The following NDOR1 variants were observed in gnomAD, a reference collection of about 807,000 sequenced individuals.
The protein encoded by NDOR1 is NADPH-dependent diflavin oxidoreductase 1.
NDOR1 carries 61 observed loss-of-function variants against 67.2 expected under a neutral mutation model. That is an observed-to-expected ratio of 0.91 (90% CI 0.74 to 1.12). The LOEUF is 1.12. NDOR1 is among the 50% of genes most tolerant of loss of function. NDOR1 has a pLI of 0.00. For synonymous variants in NDOR1, 378 were observed against 343.7 expected (o/e 1.10, Z -1.10); for missense variants, 878 against 802.8 (o/e 1.09, Z -1.13).
At position 137,212,655 on chromosome 9, in the gene NDOR1, G is replaced by A. The variant is rs1247060554; in HGVS notation, c.311+56G>A. The A allele has an allele frequency of 2.6e-6, 4 of 1,514,010 alleles. No individual in the cohort carries two copies. Among genetic ancestry groups the A allele is most frequent in the Non-Finnish European group, 3.7e-6 (4 of 1,090,030 alleles). The allele number at this position is 1,514,010 out of a possible 1,614,324, so 93.8% of individuals were successfully genotyped here. On this transcript the variant is annotated intron_variant, in intron 3 of 13. Transcript: ENST00000684003. The surrounding 1 kb of genome is among the most constrained non-coding windows in gnomAD (Gnocchi z 4.3). ...GAACAGTTCTGGGGGTCGAGCAACA[G>A]GTGTGCTGGCAGAGGACCGAGACCA...
Position 137,218,815 on chromosome 9 carries a change from G to A in NDOR1, c.*2399G>A, listed in dbSNP as rs1429338138. 2.5e-6 allele frequency: 1 copy of A among 395,326 alleles called. No homozygotes were observed. Among genetic ancestry groups the A allele is most frequent in the Non-Finnish European group, 4.5e-6 (1 of 224,480 alleles). The allele number at this position is 395,326 out of a possible 1,614,324, so 24.5% of individuals were successfully genotyped here. Reference sequence around the variant, plus strand: ...TGCCAGAGTCCATGGCTGCACTGCTGCCCAGACACTAGCTGAACCCAAGGA... The same window carrying A: ...TGCCAGAGTCCATGGCTGCACTGCTACCCAGACACTAGCTGAACCCAAGGA... On this transcript the variant is annotated 3_prime_UTR_variant, in exon 14 of 14. Coordinates refer to ENST00000684003, the MANE Select transcript of NDOR1 (RefSeq NM_014434.4).
chr9:137,208,179 G>T (rs1305380472), intron 2 of NDOR1, among the ~76,000 whole-genome samples: 1 of 148,714 alleles, frequency 6.7e-6, no homozygotes, highest in African/African-American at 2.5e-5. Context: ...GCCGGGCACT[G>T]TGGCTCACAC....
Position 137,218,184 on chromosome 9 carries a change from C to G in NDOR1, c.*1768C>G. 7.5e-6 allele frequency: 3 copies of G among 398,460 alleles called. No individual in the cohort carries two copies. Among genetic ancestry groups the G allele is most frequent in the Non-Finnish European group, 8.8e-6 (2 of 226,008 alleles). 24.7% of individuals were successfully genotyped at this position (398,460 alleles called of 1,614,324 possible). On this transcript the variant is annotated 3_prime_UTR_variant, in exon 14 of 14. Transcript: ENST00000684003. Reference sequence around the variant, plus strand: ...CTGCACAGGCTGCTGGGCTCGGCCTCCAGTGCCGACCTGGGCCGGGTGCGC... The same window carrying G: ...CTGCACAGGCTGCTGGGCTCGGCCTGCAGTGCCGACCTGGGCCGGGTGCGC...
At chr9:137,210,766 G>A (rs1015596839) in intron 2 of NDOR1, among the ~76,000 whole-genome samples, 6 of 152,130 alleles carry the variant, frequency 3.9e-5, no homozygotes, top group Admixed American at 1.3e-4. Context: ...AGGATCGCTT[G>A]AGCCCAGAAG....
rs547961096 is a variant in NDOR1, at chr9:137,215,842, G to C, written c.1435+37G>C. The C allele has an allele frequency of 2.7e-5, 44 of 1,608,096 alleles. No individual in the cohort carries two copies. The East Asian group carries it at 4.5e-4, about 16-fold the overall frequency. Reference sequence around the variant, plus strand: ...GGGTCTCCGGGCAGGGTTGTTGCCAGGGCTCCCCAGCTGAACCTCAAGGAC... The same window carrying C: ...GGGTCTCCGGGCAGGGTTGTTGCCACGGCTCCCCAGCTGAACCTCAAGGAC... On this transcript the variant is annotated intron_variant, in intron 11 of 13. Transcript: ENST00000684003.
Position 137,205,920 on chromosome 9 carries a change from C to A in NDOR1, c.135+8C>A. Reference sequence around the variant, plus strand: ...CTGGACTCCTACCCGGTGGTGAGGGCTCGCTAGGGCCTCGGCGTGGGGGAC... The same window carrying A: ...CTGGACTCCTACCCGGTGGTGAGGGATCGCTAGGGCCTCGGCGTGGGGGAC... On this transcript the variant is annotated splice_region_variant and intron_variant, in intron 1 of 13. Transcript: ENST00000684003. 6.3e-7 allele frequency: 1 copy of A among 1,579,592 alleles called. No homozygotes were observed. The highest frequency in any genetic ancestry group is 1.1e-5 in the South Asian group (1 of 89,672).
intron 8 of NDOR1, 21 bp from the exon 9 acceptor site, chr9:137,215,074 C>T: frequency 6.2e-7 from 1 of 1,613,576 alleles, no homozygotes; most frequent in Non-Finnish European, 8.5e-7. Context: ...CTGCAGCCAC[C>T]CTGAGACTCT....
In NDOR1 at chr9:137,216,197, G is replaced by C; in HGVS notation, c.1649+9G>C. ...TACTTCTACCTGGCAGGGTGAGCTG[G>C]CCTGCGTGCAGCAGGAGTGGGCCCA... On this transcript the variant is annotated intron_variant, in intron 13 of 13. Transcript: ENST00000684003. The C allele has an allele frequency of 6.2e-7, 1 of 1,613,318 alleles. No homozygotes were observed. Among genetic ancestry groups the C allele is most frequent in the Non-Finnish European group, 8.5e-7 (1 of 1,180,002 alleles).
At chr9:137,213,293 G>T (rs577932385) in intron 3 of NDOR1, among the ~76,000 whole-genome samples, 7 of 152,274 alleles carry the variant, frequency 4.6e-5, no homozygotes, top group East Asian at 1.9e-4. Flanking sequence ...GAGGGAGGCC[G>T]CTGCCGACAG....
intron 2 of NDOR1, among the ~76,000 whole-genome samples, chr9:137,208,726 A>G (rs1835102552): frequency 6.6e-6 from 1 of 151,532 alleles, no homozygotes; most frequent in Non-Finnish European, 1.5e-5. Context: ...CCAGAGGCTG[A>G]GGCGGGAGGA....
chr9:137,208,317 G>A (rs1835077151), intron 2 of NDOR1, among the ~76,000 whole-genome samples: 1 of 151,846 alleles, frequency 6.6e-6, no homozygotes, highest in Admixed American at 6.6e-5. Flanking sequence ...CGGATGTGGT[G>A]GCGGGCACCT....
Position 137,214,021 on chromosome 9 carries a change from G to A in NDOR1, c.465G>A (p.Gly155=). ...GAGACTTGTGGGACAGGGTTCTGGG[G>A]CTGTACCCGCCGCCTCCGGGCCTCA... ...WLRDLWDRVL[G]LYPPPPGLTE... Residue 155 remains glycine (G), a synonymous_variant, in exon 5 of 14, where the codon GGG becomes GGA. Transcript: ENST00000684003. The A allele has an allele frequency of 1.3e-6, 2 of 1,548,690 alleles. No homozygotes were observed. Among genetic ancestry groups the A allele is most frequent in the South Asian group, 1.2e-5 (1 of 84,562 alleles).
chr9:137,218,463 T>G lies in NDOR1; in HGVS notation c.*2047T>G. On this transcript the variant is annotated 3_prime_UTR_variant, in exon 14 of 14. Transcript: ENST00000684003. ...TGCCTGGGTGCCCGGCTCTGGACCC[T>G]GCGGGAGCGGGGACCCTGTGCCCGC... is the stretch of plus-strand genomic sequence containing the variant. The G allele has an allele frequency of 2.5e-6, 1 of 398,530 alleles. No individual in the cohort carries two copies. The highest frequency in any genetic ancestry group is 4.4e-6 in the Non-Finnish European group (1 of 226,186). The allele number at this position is 398,530 out of a possible 1,614,324, so 24.7% of individuals were successfully genotyped here.
chr9:137,206,029 G>T, intron 1 of NDOR1, 117 bp downstream of exon 1: 1 of 1,480,616 alleles, frequency 6.8e-7, no homozygotes, highest in Non-Finnish European at 9.0e-7. Flanking sequence ...TTCCCTTATG[G>T]CGGATTTAGG....
chr9:137,213,039 G>C (rs534144043), intron 3 of NDOR1, among the ~76,000 whole-genome samples: 6 of 152,160 alleles, frequency 3.9e-5, no homozygotes, highest in Non-Finnish European at 5.9e-5. Context: ...GGCATCTTTA[G>C]ACCCCACAAC....
intron 2 of NDOR1, among the ~76,000 whole-genome samples, chr9:137,208,853 TG>T: frequency 6.6e-6 from 1 of 150,474 alleles, no homozygotes; most frequent in Non-Finnish European, 1.5e-5. Context: ...AAACTTGACA[TG>T]TTTTTTTTGT....
At chr9:137,208,482 A>T (rs540470238) in intron 2 of NDOR1, among the ~76,000 whole-genome samples, 2 of 151,142 alleles carry the variant, frequency 1.3e-5, no homozygotes, top group Non-Finnish European at 2.9e-5. Flanking sequence ...AACAAAACAA[A>T]CAAACAAAAA....
chr9:137,214,204 C>A lies in NDOR1; in HGVS notation c.513C>A (p.Pro171=). ...PGLTEIPPGV[P]LPSKFTLLFL... is the part of the protein sequence containing the mutation. ...GTCTGACCAGCGTGCCCTCCCACAGCCTGCCCTCCAAGTTCACCCTGCTGT... is the reference window on the plus strand; with the variant it reads ...GTCTGACCAGCGTGCCCTCCCACAGACTGCCCTCCAAGTTCACCCTGCTGT... The change falls in exon 6 of 14, where the codon CCC becomes CCA. Residue 171 remains proline, a splice_region_variant and synonymous_variant. Transcript: ENST00000684003. The A allele has an allele frequency of 1.2e-6, 2 of 1,609,806 alleles. No homozygotes were observed. The highest frequency in any genetic ancestry group is 3.3e-4 in the Middle Eastern group (2 of 6,062).
chr9:137,206,119 A>G (rs1834950507), intron 1 of NDOR1, 113 bp from the exon 2 acceptor site: 2 of 1,477,644 alleles, frequency 1.4e-6, no homozygotes, highest in Non-Finnish European at 1.9e-6. Flanking sequence ...CTGGCTGCTC[A>G]CATAAATCCC....
Sources: gnomAD v4.1 joint callset for allele counts (sites outside exome capture counted in the v4.1 genomes callset) on GRCh38, gnomAD v4.1.1 for gene constraint, Gnocchi (gnomAD v3.1) non-coding constraint, MANE v1.5 for transcripts, NCBI Gene and HGNC (gene_info 2026-07-23, HGNC 2026-07-21) for gene names.